Variants in MIB1 observed in about 807,000 individuals in gnomAD.
MIB1 encodes the protein MIB E3 ubiquitin protein ligase 1, also known as E3 ubiquitin-protein ligase MIB1.
Under a neutral mutation model 124.5 loss-of-function variants are expected in MIB1, and 278 were observed. The ratio of observed to expected loss-of-function variants is 2.23; its 90% confidence interval spans 2.02 to 2.47. The LOEUF is 2.47. Ranked by LOEUF, MIB1 falls within the 30% of genes most tolerant of loss-of-function variation. MIB1 has a pLI of 0.00. For synonymous variants in MIB1, 446 were observed against 429.4 expected, an observed-to-expected ratio of 1.04 and a Z score of -0.48; for missense variants, 957 against 1,254.4, an observed-to-expected ratio of 0.76 and a Z score of 3.58.
chr18:21,759,304 G>A (rs973371871), intron 1 of MIB1, among the ~76,000 whole-genome samples: 8 of 151,798 alleles, frequency 5.3e-5, no homozygotes, highest in Admixed American at 6.6e-5. Flanking sequence ...GTGCAGTGGC[G>A]TGATCTCGGC....
chr18:21,808,843 G>C (rs1339328291), intron 10 of MIB1, among the ~76,000 whole-genome samples: 2 of 152,034 alleles, frequency 1.3e-5, no homozygotes, highest in Non-Finnish European at 2.9e-5. Flanking sequence ...GATGGGAGAT[G>C]AGTTTTTAAA....
rs923678979 is a variant in MIB1, at chr18:21,865,204, A to C, written c.*538A>C. On this transcript the variant is annotated 3_prime_UTR_variant, in exon 21 of 21. Transcript: ENST00000261537. ...TGATTCTTTTTTTAAGATAACAGGA[A>C]GTTACCCACATGTTTGTTTCTGAAT... 1.3e-5 allele frequency: 2 copies of C among 152,222 alleles called. No individual in the cohort carries two copies. The highest frequency in any genetic ancestry group is 2.9e-5 in the Non-Finnish European group (2 of 68,022). The allele number at this position is 152,222 out of a possible 1,614,324, so 9.4% of individuals were successfully genotyped here.
chr18:21,793,053 T>G (rs553912546), intron 7 of MIB1, among the ~76,000 whole-genome samples: 1 of 152,218 alleles, frequency 6.6e-6, no homozygotes, highest in East Asian at 1.9e-4. Flanking sequence ...AGCTATTGAG[T>G]CTGCATCTCT....
chr18:21,749,729 C>G (rs1488377281), intron 1 of MIB1, among the ~76,000 whole-genome samples: 7 of 149,336 alleles, frequency 4.7e-5, no homozygotes, highest in Admixed American at 2.7e-4. Context: ...AAACCTCTGC[C>G]TCCCAGGTTC....
upstream of MIB1, among the ~76,000 whole-genome samples, chr18:21,739,334 T>G (rs1051732303): frequency 3.3e-5 from 5 of 152,132 alleles, no homozygotes; most frequent in African/African-American, 1.2e-4. Flanking sequence ...CCAGACAGAT[T>G]CACAGCCGAA....
intron 2 of MIB1, among the ~76,000 whole-genome samples, chr18:21,767,375 C>G (rs2041173322): frequency 6.6e-6 from 1 of 152,090 alleles, no homozygotes; most frequent in Non-Finnish European, 1.5e-5. Flanking sequence ...CTCGTGAGAA[C>G]TCACTATCAA....
intron 18 of MIB1, among the ~76,000 whole-genome samples, chr18:21,856,122 C>T (rs1350360608): frequency 6.6e-6 from 1 of 150,674 alleles, no homozygotes; most frequent in African/African-American, 2.4e-5. Context: ...CCCAGCTACT[C>T]GGGAGGCTGA....
intron 9 of MIB1, among the ~76,000 whole-genome samples, chr18:21,800,979 C>T (rs893344851): frequency 6.6e-6 from 1 of 151,968 alleles, no homozygotes; most frequent in African/African-American, 2.4e-5. Flanking sequence ...GTTTTTTCTT[C>T]ATTTACTTAC....
intron 3 of MIB1, 77 bp from the exon 4 acceptor site, chr18:21,773,547 T>G: frequency 1.3e-5 from 12 of 911,490 alleles, no homozygotes; most frequent in Non-Finnish European, 5.1e-6. Flanking sequence ...TTTTTAAGAT[T>G]TAAATGTAAT....
At chr18:21,821,661 C>T (rs9675542) in intron 12 of MIB1, among the ~76,000 whole-genome samples, 1,969 of 150,708 alleles carry the variant, frequency 0.013, 47 homozygotes, top group African/African-American at 0.045. Flanking sequence ...TGCAGTGGCA[C>T]AATCTCGGCT....
At chr18:21,707,213 T>A (rs996113267) in intron 1 of MIB1, among the ~76,000 whole-genome samples, 1 of 152,210 alleles carries the variant, frequency 6.6e-6, no homozygotes, top group Non-Finnish European at 1.5e-5. Flanking sequence ...ACCCTGTGTC[T>A]AGCTCAAGGT....
chr18:21,785,446 A>T (rs1238064050), intron 6 of MIB1, among the ~76,000 whole-genome samples: 1 of 152,218 alleles, frequency 6.6e-6, no homozygotes, highest in Non-Finnish European at 1.5e-5. Flanking sequence ...AGTTATTTTA[A>T]ACAGGTGACG....
chr18:21,754,519 T>C (rs951548699), intron 1 of MIB1, among the ~76,000 whole-genome samples: 1 of 152,190 alleles, frequency 6.6e-6, no homozygotes, highest in African/African-American at 2.4e-5. Flanking sequence ...GGGGCTCGTG[T>C]TCACATAACC....
At chr18:21,820,061 T>C (rs955706594) in intron 12 of MIB1, among the ~76,000 whole-genome samples, 3 of 152,234 alleles carry the variant, frequency 2.0e-5, no homozygotes, top group Non-Finnish European at 4.4e-5. Flanking sequence ...ATAATGTAAT[T>C]AGTTATATAA....
intron 12 of MIB1, chr18:21,829,064 A>G (rs2041954577): frequency 2.1e-6 from 1 of 479,552 alleles, no homozygotes. Flanking sequence ...ATGGGTACAT[A>G]AAGAAGTATG....
At chr18:21,708,781 T>C (rs2040652107) in intron 1 of MIB1, among the ~76,000 whole-genome samples, 1 of 152,150 alleles carries the variant, frequency 6.6e-6, no homozygotes. Context: ...GAGGATCCAA[T>C]CATAATAATA....
Position 21,864,954 on chromosome 18 carries a change from A to C in MIB1, c.*288A>C, listed in dbSNP as rs1241899311. On this transcript the variant is annotated 3_prime_UTR_variant, in exon 21 of 21. Transcript: ENST00000261537. ...CCTTTAAGGATATCCTTTTTTAAAA[A>C]ATTGCATTTTTCTCTTATAATTTGT... 8.9e-6 allele frequency: 2 copies of C among 225,464 alleles called. No homozygotes were observed. Among genetic ancestry groups the C allele is most frequent in the Non-Finnish European group, 1.7e-5 (2 of 116,816 alleles). 14.0% of individuals were successfully genotyped at this position (225,464 alleles called of 1,614,324 possible).
At chr18:21,721,159 G>GTTTGTTTTTTTTTTTTTTTTTT (rs2040712847) in intron 1 of MIB1, among the ~76,000 whole-genome samples, 1 of 29,758 alleles carries the variant, frequency 3.4e-5, no homozygotes, top group Non-Finnish European at 7.4e-5. Context: ...TTTTAAAGAA[G>GTTTGTTTTTTTTTTTTTTTTTT]TTTTTTTTTT....
chr18:21,841,346 G>A (rs921264673), intron 13 of MIB1, among the ~76,000 whole-genome samples: 4 of 152,198 alleles, frequency 2.6e-5, no homozygotes, highest in Admixed American at 6.5e-5. Flanking sequence ...CAGCCTGGGT[G>A]AAGAGGGAGT....
Sources: gnomAD v4.1 joint callset for allele counts (sites outside exome capture counted in the v4.1 genomes callset) on GRCh38, gnomAD v4.1.1 for gene constraint, MANE v1.5 for transcripts, NCBI Gene and HGNC (gene_info 2026-07-23, HGNC 2026-07-21) for gene names.